Variants in GFRA1 observed in about 807,000 individuals in gnomAD.
GFRA1 encodes GDNF family receptor alpha 1, also known as GDNF family receptor alpha-1.
Under a neutral mutation model 51.6 loss-of-function variants are expected in GFRA1, and 16 were observed. The ratio of observed to expected loss-of-function variants is 0.31; its 90% CI spans 0.21 to 0.47. The LOEUF (loss-of-function observed/expected upper bound fraction) is 0.47. Ranked by LOEUF, GFRA1 falls within the 20% of genes least tolerant of loss-of-function variation. The probability of loss-of-function intolerance (pLI) is 1.00; values close to 1 mark genes in which losing one functional copy is unlikely to be tolerated. For synonymous variants in GFRA1, 270 were observed against 241.3 expected, an observed-to-expected ratio of 1.12 and a Z score of -1.10; for missense variants, 530 against 594.3, an observed-to-expected ratio of 0.89 and a Z score of 1.13.
chr10:116,126,374 G>A (rs1957877211), intron 5 of GFRA1, among the ~76,000 whole-genome samples: 1 of 152,162 alleles, frequency 6.6e-6, no homozygotes, highest in Non-Finnish European at 1.5e-5. Context: ...CACACTGCCT[G>A]CTCTGTGCTG....
intron 5 of GFRA1, among the ~76,000 whole-genome samples, chr10:116,131,904 GAAA>G (rs71010066): frequency 1.7e-4 from 17 of 100,158 alleles, no homozygotes; most frequent in African/African-American, 4.6e-4. Context: ...ATCTCAAAAG[GAAA>G]AAAAAAAAAA....
At chr10:116,199,139 A>G (rs2134377501) in intron 5 of GFRA1, among the ~76,000 whole-genome samples, 1 of 152,264 alleles carries the variant, frequency 6.6e-6, no homozygotes, top group East Asian at 1.9e-4. Flanking sequence ...TCAGACTTCC[A>G]ATCTCCAGGA....
intron 9 of GFRA1, among the ~76,000 whole-genome samples, chr10:116,085,850 C>T (rs898084734): frequency 2.6e-5 from 4 of 152,192 alleles, no homozygotes; most frequent in Admixed American, 6.5e-5. Flanking sequence ...AGTCTGAAGT[C>T]GGAGCTTTGC....
chr10:116,233,913 A>G (rs986081547), intron 4 of GFRA1, among the ~76,000 whole-genome samples: 1 of 152,224 alleles, frequency 6.6e-6, no homozygotes, highest in African/African-American at 2.4e-5. Flanking sequence ...AGACTCTGTC[A>G]TTTACTATAA....
chr10:116,130,720 C>T (rs900540053), intron 5 of GFRA1, among the ~76,000 whole-genome samples: 22 of 151,864 alleles, frequency 1.4e-4, no homozygotes, highest in African/African-American at 4.8e-4. Flanking sequence ...AAAAGAAAAA[C>T]CCAAATACAA....
chr10:116,070,992 CAA>C (rs1955364577), intron 9 of GFRA1, among the ~76,000 whole-genome samples: 1 of 152,196 alleles, frequency 6.6e-6, no homozygotes, highest in Non-Finnish European at 1.5e-5. Context: ...CTGCGTAAAA[CAA>C]GTGGACACAT....
At chr10:116,068,749 AT>A (rs1223096968) in intron 9 of GFRA1, among the ~76,000 whole-genome samples, 4 of 152,364 alleles carry the variant, frequency 2.6e-5, no homozygotes, top group African/African-American at 9.6e-5. Context: ...TATCCCAAGC[AT>A]TTCTGAAAAC....
chr10:116,106,951 G>A (rs1044448328), intron 6 of GFRA1, among the ~76,000 whole-genome samples: 7 of 152,262 alleles, frequency 4.6e-5, no homozygotes, highest in Middle Eastern at 6.8e-3. Context: ...CTTGCCATGT[G>A]AGACACCGGC....
In GFRA1 at chr10:116,094,422, C is replaced by T. The variant is rs56049469; in HGVS notation, c.881-586G>A. Among the ~76,000 whole-genome samples the T allele has an allele frequency of 4.3e-3, 648 of 152,258 alleles. 3 individuals carry two copies. The highest frequency in any genetic ancestry group is 0.015 in the African/African-American group (609 of 41,554). ...AAACAGTGGAAATTCTCTAAGTCAACGGCTCCTAGAGTATTGCCTGTGGAC... is the reference window on the plus strand; with the variant it reads ...AAACAGTGGAAATTCTCTAAGTCAATGGCTCCTAGAGTATTGCCTGTGGAC... On this transcript the variant is annotated intron_variant, in intron 7 of 10. Coordinates refer to ENST00000355422, the MANE Select transcript of GFRA1 (RefSeq NM_005264.8).
At chr10:116,097,359 A>G (rs970881837) in intron 6 of GFRA1, among the ~76,000 whole-genome samples, 1 of 152,192 alleles carries the variant, frequency 6.6e-6, no homozygotes, top group African/African-American at 2.4e-5. Flanking sequence ...GGGGAAGCCA[A>G]GAGGGACAGA....
At chr10:116,188,368 A>G (rs998484637) in intron 5 of GFRA1, among the ~76,000 whole-genome samples, 8 of 152,170 alleles carry the variant, frequency 5.3e-5, no homozygotes, top group Non-Finnish European at 1.0e-4. Context: ...ACACAAAAGG[A>G]CAAATAGTTT....
At chr10:116,106,064 T>G (rs1244238362) in intron 6 of GFRA1, among the ~76,000 whole-genome samples, 4 of 152,250 alleles carry the variant, frequency 2.6e-5, no homozygotes, top group Non-Finnish European at 4.4e-5. Context: ...TGATGTCATG[T>G]GAGACTCCAC....
intron 6 of GFRA1, among the ~76,000 whole-genome samples, chr10:116,102,676 C>T (rs1956863307): frequency 6.6e-6 from 1 of 152,128 alleles, no homozygotes; most frequent in Admixed American, 6.5e-5. Context: ...CTTATGAAAC[C>T]ATCAGATCTC....
chr10:116,063,820 G>C lies in GFRA1; in HGVS notation c.*578C>G, dbSNP rs1954943055. 6.4e-6 allele frequency: 1 copy of C among 156,642 alleles called. No homozygotes were observed. The highest frequency in any genetic ancestry group is 2.4e-5 in the African/African-American group (1 of 41,438). 9.7% of individuals were successfully genotyped at this position (156,642 alleles called of 1,614,324 possible). ...TTTACAGTACATAAACATCAGCGTG[G>C]AAAATGCTAGTACATATATAAAGGT... On this transcript the variant is annotated 3_prime_UTR_variant, in exon 11 of 11. Coordinates refer to ENST00000355422, the MANE Select transcript of GFRA1 (RefSeq NM_005264.8).
chr10:116,097,767 T>C (rs1956661607), intron 6 of GFRA1, among the ~76,000 whole-genome samples: 1 of 152,204 alleles, frequency 6.6e-6, no homozygotes, highest in Admixed American at 6.5e-5. Flanking sequence ...TCTTCTGTCT[T>C]TAGCTCACCC....
chr10:116,207,497 C>T (rs988427735), intron 5 of GFRA1, among the ~76,000 whole-genome samples: 7 of 152,084 alleles, frequency 4.6e-5, no homozygotes, highest in African/African-American at 1.2e-4. Flanking sequence ...CATGTGGTGT[C>T]GAAGGAGACA....
intron 5 of GFRA1, among the ~76,000 whole-genome samples, chr10:116,172,394 G>T (rs10736244): frequency 0.99 from 150,592 of 152,216 alleles, 74,509 homozygotes; most frequent in East Asian, 1. Context: ...GGAACCCTAC[G>T]CTCAATAGGG....
intron 3 of GFRA1, among the ~76,000 whole-genome samples, chr10:116,270,058 C>T (rs979230503): frequency 1.3e-5 from 2 of 152,100 alleles, no homozygotes; most frequent in African/African-American, 4.8e-5. Context: ...AGGAAGTGAC[C>T]GCTGACAGGT....
At chr10:116,119,767 T>C (rs193162834) in intron 6 of GFRA1, among the ~76,000 whole-genome samples, 14 of 152,326 alleles carry the variant, frequency 9.2e-5, no homozygotes, top group Non-Finnish European at 1.8e-4. Context: ...ACGAAACACA[T>C]TTCTCACCTT....
Sources: allele counts gnomAD v4.1 joint callset (sites outside exome capture counted in the v4.1 genomes callset), GRCh38; gene constraint gnomAD v4.1.1; transcripts MANE v1.5; gene names NCBI Gene and HGNC (gene_info 2026-07-23, HGNC 2026-07-21).